IRF2: variants seen among roughly 807,000 people sequenced by gnomAD.
IRF2 encodes the protein interferon regulatory factor 2.
IRF2 carries 15 observed loss-of-function variants against 40.6 expected under a neutral mutation model. The ratio of observed to expected loss-of-function variants is 0.37; its 90% CI spans 0.25 to 0.57. The LOEUF (loss-of-function observed/expected upper bound fraction) is 0.57. Ranked by LOEUF, IRF2 falls within the 20% of genes least tolerant of loss-of-function variation. The probability of loss-of-function intolerance (pLI) is 0.77; values close to 1 mark genes in which losing one functional copy is unlikely to be tolerated. For missense variants in IRF2, 317 were observed against 455.7 expected, an observed-to-expected ratio of 0.70 and a Z score of 2.77; for synonymous variants, 151 against 165.5, an observed-to-expected ratio of 0.91 and a Z score of 0.67.
intron 1 of IRF2, among the ~76,000 whole-genome samples, chr4:184,465,858 G>A (rs2149919185): frequency 6.6e-6 from 1 of 152,312 alleles, no homozygotes; most frequent in African/African-American, 2.4e-5. Context: ...TAGGTTCCAA[G>A]AAGCAGAATT....
chr4:184,420,889 A>G (rs543668319), intron 2 of IRF2, among the ~76,000 whole-genome samples: 85 of 152,370 alleles, frequency 5.6e-4, no homozygotes, highest in Non-Finnish European at 1.1e-3. Context: ...TCTAAGTTCA[A>G]AACCCAGGTC....
chr4:184,409,331 C>G (rs1305508850), intron 5 of IRF2, among the ~76,000 whole-genome samples: 3 of 152,104 alleles, frequency 2.0e-5, no homozygotes, highest in Admixed American at 2.0e-4. Flanking sequence ...CCAAAATCCT[C>G]AAAAAGTCAC....
At chr4:184,450,223 C>T (rs943461139) in intron 1 of IRF2, among the ~76,000 whole-genome samples, 14 of 152,330 alleles carry the variant, frequency 9.2e-5, no homozygotes, top group African/African-American at 3.4e-4. Context: ...CTATGAATAG[C>T]TTCATGTCAA....
chr4:184,430,365 T>C (rs912875780), intron 1 of IRF2, among the ~76,000 whole-genome samples: 25 of 120,826 alleles, frequency 2.1e-4, no homozygotes, highest in African/African-American at 7.1e-4. Flanking sequence ...TCTGGCCCAC[T>C]GACTGCTGCA....
intron 1 of IRF2, among the ~76,000 whole-genome samples, chr4:184,440,578 G>A (rs906954509): frequency 2.6e-5 from 4 of 152,174 alleles, no homozygotes; most frequent in Non-Finnish European, 5.9e-5. Flanking sequence ...GGAGAACCTC[G>A]CAGCAGATGG....
chr4:184,461,926 A>G (rs1171576267), intron 1 of IRF2, among the ~76,000 whole-genome samples: 1 of 152,046 alleles, frequency 6.6e-6, no homozygotes, highest in Non-Finnish European at 1.5e-5. Flanking sequence ...CCACCCGCCT[A>G]CAATGGAGAG....
chr4:184,423,415 C>T (rs950230513), intron 2 of IRF2, among the ~76,000 whole-genome samples: 27 of 152,338 alleles, frequency 1.8e-4, no homozygotes, highest in African/African-American at 5.8e-4. Context: ...CACATGGAAA[C>T]TAGTTCTGTT....
intron 6 of IRF2, among the ~76,000 whole-genome samples, chr4:184,407,773 T>A (rs573058097): frequency 1.3e-5 from 2 of 152,330 alleles, no homozygotes; most frequent in Admixed American, 1.3e-4. Flanking sequence ...AGTTTCTCTG[T>A]CTGCCAGGAA....
chr4:184,416,783 C>T (rs1454252903), intron 5 of IRF2, among the ~76,000 whole-genome samples: 2 of 152,162 alleles, frequency 1.3e-5, no homozygotes, highest in Non-Finnish European at 2.9e-5. Context: ...CCGTGGCTCA[C>T]GCCTGTATTC....
In IRF2 at chr4:184,388,964, T is replaced by C. The variant is rs2149889316; in HGVS notation, c.844A>G (p.Thr282Ala). 1 of 1,614,150 alleles carries C rather than the reference T, an allele frequency of 6.2e-7. No homozygotes were observed. Among genetic ancestry groups the C allele is most frequent in the Non-Finnish European group, 8.5e-7 (1 of 1,180,012 alleles). ...YLLPGMASFVTSNKPDLQVTI... is the reference protein window; with the variant it reads ...YLLPGMASFVASNKPDLQVTI... ...ACCTGGAGGTCCGGTTTGTTGGAAGTGACGAAGGACGCCATGCCGGGCAGC... is the reference window on the plus strand; with the variant it reads ...ACCTGGAGGTCCGGTTTGTTGGAAGCGACGAAGGACGCCATGCCGGGCAGC... The change falls in exon 9 of 9, where the codon ACT (threonine) becomes GCT (alanine). Residue 282 changes from threonine to alanine, a missense_variant. Thr to Ala is a moderately conservative substitution (Grantham distance 58). Transcript: ENST00000393593. The surrounding 1 kb of genome is among the most constrained non-coding windows in gnomAD (Gnocchi z 4.6).
intron 2 of IRF2, chr4:184,428,682 C>T (rs576574580): frequency 2.1e-6 from 1 of 485,972 alleles, no homozygotes; most frequent in South Asian, 1.6e-5. Context: ...ACCTGTAGTT[C>T]CAGCTACTCT....
chr4:184,418,070 G>C, intron 5 of IRF2, 97 bp downstream of exon 5: 1 of 870,948 alleles, frequency 1.1e-6, no homozygotes. Context: ...GAAGAAAGAG[G>C]ACACACTGAG....
At chr4:184,450,890 C>T (rs1368927633) in intron 1 of IRF2, among the ~76,000 whole-genome samples, 3 of 152,114 alleles carry the variant, frequency 2.0e-5, no homozygotes, top group Non-Finnish European at 2.9e-5. Flanking sequence ...ACATCCACAC[C>T]GTCCACTGAG....
intron 7 of IRF2, among the ~76,000 whole-genome samples, chr4:184,398,474 T>C (rs1008278056): frequency 4.6e-5 from 7 of 151,698 alleles, no homozygotes; most frequent in African/African-American, 1.5e-4. Context: ...CTGGCCAACA[T>C]GGTGAATCCC....
intron 1 of IRF2, among the ~76,000 whole-genome samples, chr4:184,446,295 G>T (rs1435691380): frequency 6.6e-6 from 1 of 152,214 alleles, no homozygotes; most frequent in East Asian, 1.9e-4. Context: ...AGGGGCAGGT[G>T]CAGCCAGGGT....
At chr4:184,401,149 G>A (rs1274075546) in intron 6 of IRF2, among the ~76,000 whole-genome samples, 3 of 152,208 alleles carry the variant, frequency 2.0e-5, no homozygotes, top group Non-Finnish European at 2.9e-5. Context: ...AGGTTAGAAC[G>A]CATTCCAGTC....
chr4:184,396,587 A>G (rs1736473219), intron 7 of IRF2, among the ~76,000 whole-genome samples: 2 of 151,458 alleles, frequency 1.3e-5, no homozygotes, highest in Non-Finnish European at 2.9e-5. Flanking sequence ...GGCACATGCC[A>G]CCACACCCGG....
intron 5 of IRF2, among the ~76,000 whole-genome samples, chr4:184,416,725 T>A (rs1261384966): frequency 6.9e-6 from 1 of 145,480 alleles, no homozygotes; most frequent in Non-Finnish European, 1.6e-5. Context: ...TTCCAAAAAA[T>A]AGTTCAAAAA....
Position 184,390,688 on chromosome 4 carries a change from T to C in IRF2, c.741+15A>G. 1 of 1,614,092 alleles carries C rather than the reference T, an allele frequency of 6.2e-7. No homozygotes were observed. The highest frequency in any genetic ancestry group is 8.5e-7 in the Non-Finnish European group (1 of 1,179,934). On this transcript the variant is annotated intron_variant, in intron 8 of 8. Transcript: ENST00000393593. ...TTCCTTGGCAGCATCGTGGGCAGGC[T>C]GGGCAGTGGCTTACCTCGGCACTCT...
Sources: gnomAD v4.1 joint callset for allele counts (sites outside exome capture counted in the v4.1 genomes callset) on GRCh38, gnomAD v4.1.1 for gene constraint, Gnocchi (gnomAD v3.1) non-coding constraint, MANE v1.5 for transcripts, NCBI Gene and HGNC (gene_info 2026-07-23, HGNC 2026-07-21) for gene names.